The following USP24 variants were observed in gnomAD, a reference collection of about 807,000 sequenced individuals.
USP24 encodes the protein ubiquitin specific peptidase 24.
In USP24, 97 loss-of-function variants were observed where a neutral mutation model predicts 361.6. The ratio of observed to expected loss-of-function variants is 0.27; its 90% confidence interval spans 0.23 to 0.32. The LOEUF is 0.32. Among genes scored for constraint, USP24 ranks in the 10% least tolerant of loss-of-function variants. USP24 has a pLI of 1.00. For synonymous variants in USP24, 1,098 were observed against 1,124.6 expected, an observed-to-expected ratio of 0.98 and a Z score of 0.47; for missense variants, 2,353 against 3,165.6, an observed-to-expected ratio of 0.74 and a Z score of 6.16.
chr1:55,159,044 T>C lies in USP24; in HGVS notation c.1069-8A>G, dbSNP rs774387086. 9.5e-6 allele frequency: 14 copies of C among 1,471,540 alleles called. 1 individual carries two copies. The South Asian group carries it at 1.7e-4, about 18-fold the overall frequency. 91.2% of individuals were successfully genotyped at this position (1,471,540 alleles called of 1,614,324 possible). On this transcript the variant is annotated splice_region_variant and splice_polypyrimidine_tract_variant and intron_variant, in intron 9 of 67. Transcript: ENST00000294383. ...AGGGATGCTAACCAATCTCTTTTAT[T>C]GAATAAAAACAAAAAAACAAAAAAG...
chr1:55,115,161 T>C (rs1646069203), intron 38 of USP24, among the ~76,000 whole-genome samples: 1 of 151,818 alleles, frequency 6.6e-6, no homozygotes, highest in South Asian at 2.1e-4. Flanking sequence ...TGCAGAGAAA[T>C]GCAAATCAAA....
In USP24 at chr1:55,173,008, C is replaced by A. The variant is rs549103781; in HGVS notation, c.559-488G>T. On this transcript the variant is annotated intron_variant, in intron 3 of 67. Transcript: ENST00000294383. The stretch of plus-strand genomic sequence containing the variant: ...TAAAAGCATTTTATAAATGGTAAGG[C>A]ATTATTAATATATCTTGATGGCTGG... Among the ~76,000 whole-genome samples, 9 of 152,260 alleles carry A rather than the reference C, an allele frequency of 5.9e-5. No individual in the cohort carries two copies. In the East Asian group the frequency reaches 1.7e-3, roughly 29 times the overall value.
At chr1:55,112,622 C>T (rs1645986901) in intron 38 of USP24, among the ~76,000 whole-genome samples, 1 of 152,182 alleles carries the variant, frequency 6.6e-6, no homozygotes, top group Admixed American at 6.5e-5. Flanking sequence ...AATTTGATTG[C>T]ACTGCGGTCT....
chr1:55,130,620 AACC>A (rs1646562926), intron 31 of USP24, among the ~76,000 whole-genome samples: 1 of 152,168 alleles, frequency 6.6e-6, no homozygotes, highest in African/African-American at 2.4e-5. Flanking sequence ...CAGGTCCACC[AACC>A]TGGGATAATG....
intron 28 of USP24, among the ~76,000 whole-genome samples, chr1:55,137,091 G>A (rs1017297192): frequency 1.3e-5 from 2 of 152,248 alleles, no homozygotes; most frequent in East Asian, 1.9e-4. Flanking sequence ...CCAAACAGGC[G>A]GAGAGACAGT....
intron 44 of USP24, among the ~76,000 whole-genome samples, chr1:55,100,145 T>C (rs566790955): frequency 2.0e-5 from 3 of 152,152 alleles, no homozygotes; most frequent in East Asian, 1.9e-4. Context: ...AATCAACCTA[T>C]GGGGAAAAAC....
chr1:55,190,415 A>G (rs13353012), intron 1 of USP24, among the ~76,000 whole-genome samples: 4,059 of 152,214 alleles, frequency 0.027, 133 homozygotes, highest in African/African-American at 0.073. Flanking sequence ...TGATATTTTG[A>G]GTTATCACTT....
intron 42 of USP24, among the ~76,000 whole-genome samples, chr1:55,103,331 T>C (rs777258344): frequency 5.9e-5 from 9 of 152,226 alleles, no homozygotes; most frequent in Non-Finnish European, 1.2e-4. Context: ...TGTTAGAGCA[T>C]TGAGGACATA....
chr1:55,184,950 G>C (rs546045652), intron 1 of USP24, among the ~76,000 whole-genome samples: 4 of 151,406 alleles, frequency 2.6e-5, no homozygotes, highest in African/African-American at 4.9e-5. Context: ...TGTTTGTTTT[G>C]GGATTTTTAT....
intron 1 of USP24, among the ~76,000 whole-genome samples, chr1:55,198,630 G>A (rs776133562): frequency 1.4e-4 from 21 of 152,114 alleles, no homozygotes; most frequent in Non-Finnish European, 2.4e-4. Flanking sequence ...TAATGCCTCC[G>A]GGGTGGGATG....
intron 1 of USP24, among the ~76,000 whole-genome samples, chr1:55,209,309 C>T (rs1226067346): frequency 6.6e-6 from 1 of 152,036 alleles, no homozygotes; most frequent in African/African-American, 2.4e-5. Context: ...ATACATTAAA[C>T]ATTCCTGACC....
intron 38 of USP24, among the ~76,000 whole-genome samples, chr1:55,112,901 G>A (rs1201306745): frequency 6.6e-6 from 1 of 152,170 alleles, no homozygotes; most frequent in African/African-American, 2.4e-5. Context: ...GGGAGTCGAA[G>A]TCTCTTTGTA....
In USP24 at chr1:55,098,529, A is replaced by G. The variant is rs769044787; in HGVS notation, c.5400T>C (p.Asn1800=). The G allele has an allele frequency of 2.7e-5, 44 of 1,612,472 alleles. No homozygotes were observed. The highest frequency in any genetic ancestry group is 3.7e-5 in the Non-Finnish European group (44 of 1,179,238). The change falls in exon 46 of 68, where the codon AAT becomes AAC. Residue 1800 remains asparagine, a synonymous_variant. Coordinates refer to ENST00000294383, the MANE Select transcript of USP24 (RefSeq NM_015306.3). The stretch of plus-strand genomic sequence containing the variant: ...GATCAGAGTAGATGCCCTGAAATGT[A>G]TTCTTAAAAATTTGGTCTCTCCCCA... ...KKMGRDQIFK[N]TFQGIYSDQK...
At chr1:55,106,299 CA>C in intron 40 of USP24, 36 bp from the exon 41 acceptor site, 1 of 1,498,100 alleles carries the variant, frequency 6.7e-7, no homozygotes, top group South Asian at 1.1e-5. Flanking sequence ...TGAAGATGAA[CA>C]CATATTTTAA....
rs1164994873 is a variant in USP24, at chr1:55,107,106, A to C, written c.4762+133T>G. The C allele has an allele frequency of 7.7e-6, 8 of 1,042,940 alleles. No homozygotes were observed. The Admixed American group carries it at 2.6e-4, about 34-fold the overall frequency. The allele number at this position is 1,042,940 out of a possible 1,614,324, so 64.6% of individuals were successfully genotyped here. On this transcript the variant is annotated intron_variant, in intron 40 of 67. Transcript: ENST00000294383. ...TTTGTTAGCCACTAAAATAACGGAC[A>C]ATTTCCTACTGTGTGAAGGGTCAAT...
intron 38 of USP24, among the ~76,000 whole-genome samples, chr1:55,113,316 C>T (rs957538426): frequency 6.6e-6 from 1 of 152,148 alleles, no homozygotes; most frequent in African/African-American, 2.4e-5. Flanking sequence ...CACACACCCT[C>T]CCAAGACTAA....
At chr1:55,091,971 A>G (rs1645387028) in intron 54 of USP24, 52 bp downstream of exon 54, 1 of 1,330,092 alleles carries the variant, frequency 7.5e-7, no homozygotes, top group Non-Finnish European at 1.1e-6. Context: ...CTTCAATTGA[A>G]TTCACCAGTG....
chr1:55,174,612 T>C (rs1190037175), intron 3 of USP24, among the ~76,000 whole-genome samples: 1 of 152,348 alleles, frequency 6.6e-6, no homozygotes, highest in African/African-American at 2.4e-5. Context: ...TAGAGTATTA[T>C]ATTCCAAATA....
At chr1:55,135,904 C>T (rs1209142105) in intron 28 of USP24, among the ~76,000 whole-genome samples, 4 of 152,026 alleles carry the variant, frequency 2.6e-5, no homozygotes, top group Non-Finnish European at 5.9e-5. Flanking sequence ...AGAGAAGGTA[C>T]AAAATAAACT....
Sources: gnomAD v4.1 joint callset for allele counts (sites outside exome capture counted in the v4.1 genomes callset) on GRCh38, gnomAD v4.1.1 for gene constraint, MANE v1.5 for transcripts, NCBI Gene and HGNC (gene_info 2026-07-23, HGNC 2026-07-21) for gene names.